Variants in EXOC4 observed in about 807,000 individuals in gnomAD.
EXOC4 encodes the protein exocyst complex component 4.
Under a neutral mutation model 107.2 loss-of-function variants are expected in EXOC4, and 71 were observed. That is an observed-to-expected ratio of 0.66 (90% CI 0.55 to 0.81). The LOEUF is 0.81. EXOC4 is among the 30% of genes least tolerant of loss of function. EXOC4 has a pLI of 0.00. For synonymous variants in EXOC4, 456 were observed against 441.2 expected, an observed-to-expected ratio of 1.03 and a Z score of -0.42; for missense variants, 1,108 against 1,189.6, an observed-to-expected ratio of 0.93 and a Z score of 1.01.
intron 10 of EXOC4, among the ~76,000 whole-genome samples, chr7:133,682,229 C>T (rs961755790): frequency 6.6e-6 from 1 of 152,246 alleles, no homozygotes; most frequent in African/African-American, 2.4e-5. Context: ...AATAGATTTA[C>T]TTGATTTTAT....
chr7:133,265,776 T>G (rs569368549), intron 1 of EXOC4, among the ~76,000 whole-genome samples: 89 of 152,306 alleles, frequency 5.8e-4, no homozygotes, highest in African/African-American at 2.1e-3. Flanking sequence ...TTAACTGTTT[T>G]CAGAAAGCAT....
At chr7:133,568,286 T>A (rs1259273281) in intron 9 of EXOC4, among the ~76,000 whole-genome samples, 1 of 152,008 alleles carries the variant, frequency 6.6e-6, no homozygotes, top group Non-Finnish European at 1.5e-5. Flanking sequence ...AGATATGAGC[T>A]TCCAATTTTT....
intron 9 of EXOC4, among the ~76,000 whole-genome samples, chr7:133,558,501 G>C (rs1442159590): frequency 6.6e-6 from 1 of 152,066 alleles, no homozygotes; most frequent in Non-Finnish European, 1.5e-5. Flanking sequence ...ACCGGGGAGA[G>C]GGGTGTGTTA....
intron 11 of EXOC4, among the ~76,000 whole-genome samples, chr7:133,820,715 G>A (rs949103981): frequency 1.1e-4 from 17 of 152,176 alleles, no homozygotes; most frequent in African/African-American, 4.1e-4. Context: ...TTTCCCTGTG[G>A]CAACACCCAG....
intron 10 of EXOC4, among the ~76,000 whole-genome samples, chr7:133,680,704 G>A (rs2151067824): frequency 6.6e-6 from 1 of 152,230 alleles, no homozygotes. Flanking sequence ...ACATGCCAAA[G>A]GTAGTTATTT....
intron 9 of EXOC4, among the ~76,000 whole-genome samples, chr7:133,521,332 T>C (rs1264663059): frequency 6.6e-6 from 1 of 152,144 alleles, no homozygotes; most frequent in African/African-American, 2.4e-5. Context: ...AAAAAACAAA[T>C]TTTTCTTCCA....
intron 5 of EXOC4, among the ~76,000 whole-genome samples, chr7:133,340,186 G>T (rs1345937210): frequency 2.0e-5 from 3 of 151,974 alleles, no homozygotes; most frequent in South Asian, 2.1e-4. Context: ...CATTTCCTTT[G>T]TATGCTGATT....
the EXOC4 span, among the ~76,000 whole-genome samples, chr7:134,072,886 C>T: frequency 2.6e-5 from 4 of 152,132 alleles, no homozygotes; most frequent in East Asian, 7.7e-4. Context: ...AGTGCAGCCC[C>T]GCTTACAGCG....
At chr7:134,015,476 G>C (rs1794882373) in intron 17 of EXOC4, among the ~76,000 whole-genome samples, 1 of 152,094 alleles carries the variant, frequency 6.6e-6, no homozygotes, top group Non-Finnish European at 1.5e-5. Flanking sequence ...GGAGTGAGAT[G>C]GTCAGATTTA....
chr7:133,354,098 G>GT (rs1032467192), intron 5 of EXOC4, among the ~76,000 whole-genome samples: 4 of 151,426 alleles, frequency 2.6e-5, no homozygotes, highest in Non-Finnish European at 4.4e-5. Flanking sequence ...CTTTTTAAAA[G>GT]TTTTTTTTCT....
chr7:133,743,035 T>A (rs1352845267), intron 10 of EXOC4, among the ~76,000 whole-genome samples: 1 of 152,192 alleles, frequency 6.6e-6, no homozygotes, highest in Non-Finnish European at 1.5e-5. Flanking sequence ...GTCTGTACTG[T>A]ACATGTGTGC....
intron 4 of EXOC4, among the ~76,000 whole-genome samples, chr7:133,311,462 T>C (rs1425048111): frequency 6.6e-6 from 1 of 152,178 alleles, no homozygotes; most frequent in African/African-American, 2.4e-5. Flanking sequence ...GGCTATTTAA[T>C]ATATAGTGTT....
chr7:133,509,637 A>G (rs1799730491), intron 9 of EXOC4, among the ~76,000 whole-genome samples: 1 of 152,198 alleles, frequency 6.6e-6, no homozygotes, highest in Admixed American at 6.5e-5. Context: ...CCTTGATGCC[A>G]AATGACCACA....
rs563652843 is a variant in EXOC4 at position 133,653,823 on chromosome 7, C to T, written c.1514+23682C>T. ...AGAGATATTGAGAATGGTGTACTCT[C>T]TGTCCACAGCTACCTTTTATGAGTA... On this transcript the variant is annotated intron_variant, in intron 10 of 17. Coordinates refer to ENST00000253861, the MANE Select transcript of EXOC4 (RefSeq NM_021807.4). Among the ~76,000 whole-genome samples, 54 of 152,294 alleles carry T rather than the reference C, an allele frequency of 3.5e-4. 1 individual carries two copies. The highest frequency in any genetic ancestry group is 3.3e-3 in the Admixed American group (50 of 15,282).
chr7:133,851,293 A>T (rs1245063170), intron 11 of EXOC4, among the ~76,000 whole-genome samples: 1 of 152,234 alleles, frequency 6.6e-6, no homozygotes, highest in African/African-American at 2.4e-5. Flanking sequence ...AAATGTTACA[A>T]AGAAAATAAG....
intron 9 of EXOC4, among the ~76,000 whole-genome samples, chr7:133,613,837 A>G (rs1802127994): frequency 6.6e-6 from 1 of 152,170 alleles, no homozygotes; most frequent in Non-Finnish European, 1.5e-5. Flanking sequence ...GTGTAGGACT[A>G]CTATAAGAAA....
At chr7:133,306,650 G>T (rs776354637) in intron 4 of EXOC4, among the ~76,000 whole-genome samples, 46 of 152,018 alleles carry the variant, frequency 3.0e-4, no homozygotes, top group Middle Eastern at 3.4e-3. Flanking sequence ...AGTGAGCTAT[G>T]ATTTCTCCAC....
At chr7:133,884,277 A>G (rs189827043) in intron 11 of EXOC4, among the ~76,000 whole-genome samples, 1 of 152,184 alleles carries the variant, frequency 6.6e-6, no homozygotes, top group Admixed American at 6.5e-5. Flanking sequence ...TGGGCAGGAA[A>G]ACCGCAACCA....
At chr7:133,883,542 C>T (rs1367050709) in intron 11 of EXOC4, among the ~76,000 whole-genome samples, 1 of 151,162 alleles carries the variant, frequency 6.6e-6, no homozygotes, top group Non-Finnish European at 1.5e-5. Flanking sequence ...ACTGGAGAGT[C>T]TGAGGTGGGA....
Sources: gnomAD v4.1 joint callset for allele counts (sites outside exome capture counted in the v4.1 genomes callset) on GRCh38, gnomAD v4.1.1 for gene constraint, MANE v1.5 for transcripts, NCBI Gene and HGNC (gene_info 2026-07-23, HGNC 2026-07-21) for gene names.